The following RAPH1 variants were observed in gnomAD, a reference collection of about 807,000 sequenced individuals.
RAPH1 encodes ras-associated and pleckstrin homology domains-containing protein 1.
Under a neutral mutation model 88.1 loss-of-function variants are expected in RAPH1, and 18 were observed. The observed-to-expected ratio is 0.20, with a 90% CI of 0.14 to 0.30. The LOEUF is 0.30. Among genes scored for constraint, RAPH1 ranks in the 10% least tolerant of loss-of-function variants. The pLI, the probability that RAPH1 is intolerant of heterozygous loss-of-function variation, is 1.00. For synonymous variants in RAPH1, 587 were observed against 559.0 expected (o/e 1.05, Z -0.71); for missense variants, 1,448 against 1,543.2 (o/e 0.94, Z 1.03).
chr2:203,487,292 G>T (rs1688013986), intron 4 of RAPH1, among the ~76,000 whole-genome samples: 1 of 152,098 alleles, frequency 6.6e-6, no homozygotes, highest in African/African-American at 2.4e-5. Context: ...TCATATCCTA[G>T]CAGGTAAATC....
At position 203,439,180 on chromosome 2, in the gene RAPH1, T is replaced by G. The variant is rs529558516; in HGVS notation, c.*257A>C. ...AAATACAGAACACCCATTTTCAGAT[T>G]AGGAGAGAAAAGGAATAAATAGAAT... is the stretch of plus-strand genomic sequence containing the variant. On this transcript the variant is annotated 3_prime_UTR_variant, in exon 14 of 14. Transcript: ENST00000319170. 1.9e-4 allele frequency: 70 copies of G among 375,946 alleles called. No individual in the cohort carries two copies. Among genetic ancestry groups the G allele is most frequent in the African/African-American group, 1.4e-3 (68 of 50,306 alleles). 23.3% of individuals were successfully genotyped at this position (375,946 alleles called of 1,614,324 possible).
In RAPH1 at chr2:203,448,761, C is replaced by T; in HGVS notation, c.1489G>A (p.Val497Ile). The change falls in exon 11 of 14, where the codon GTC becomes ATC. Residue 497 changes from valine (V) to isoleucine (I), a missense_variant. Transcript: ENST00000319170. This position sits in a 1 kb window ranked among gnomAD's most constrained non-coding sequence, Gnocchi z 4.1. ...GCCTTTGCAATGCGGATCCCATTGA[C>T]CCACTGATGCAGTGTCCTCACATCA... is the stretch of plus-strand genomic sequence containing the variant. ...CDDVRTLHQWVNGIRIAKYGK... is the reference protein window; with the variant it reads ...CDDVRTLHQWINGIRIAKYGK... 2 of 1,607,510 alleles carry T rather than the reference C, an allele frequency of 1.2e-6. No individual in the cohort carries two copies. Among genetic ancestry groups the T allele is most frequent in the Non-Finnish European group, 1.7e-6 (2 of 1,176,770 alleles).
chr2:203,434,817 A>G lies in RAPH1; in HGVS notation c.*4620T>C, dbSNP rs7602076. On this transcript the variant is annotated 3_prime_UTR_variant, in exon 14 of 14. Transcript: ENST00000319170. ...ATCTATAAAATATGTAGTGTTCACC[A>G]TCACCCTGACTCAATTCACTTCTCT... The G allele has an allele frequency of 0.032, 4,915 of 152,644 alleles. 147 individuals carry two copies. The highest frequency in any genetic ancestry group is 0.095 in the East Asian group (491 of 5,166). 9.5% of individuals were successfully genotyped at this position (152,644 alleles called of 1,614,324 possible).
At chr2:203,515,514 G>C (rs1265027032) in intron 1 of RAPH1, among the ~76,000 whole-genome samples, 2 of 152,144 alleles carry the variant, frequency 1.3e-5, no homozygotes, top group Admixed American at 1.3e-4. Context: ...TGGCTAAGCT[G>C]GTGTCTTTTA....
intron 10 of RAPH1, among the ~76,000 whole-genome samples, chr2:203,450,069 A>C (rs955503720): frequency 6.6e-6 from 1 of 151,964 alleles, no homozygotes; most frequent in African/African-American, 2.4e-5. Flanking sequence ...GCTTTAAAAG[A>C]ATTTAGTTTT....
chr2:203,451,805 C>T (rs916464335), intron 10 of RAPH1, among the ~76,000 whole-genome samples: 1 of 152,228 alleles, frequency 6.6e-6, no homozygotes, highest in African/African-American at 2.4e-5. Flanking sequence ...GGTGTGAATT[C>T]TGACTGGTGT....
At chr2:203,458,747 A>C (rs1350486081) in intron 7 of RAPH1, among the ~76,000 whole-genome samples, 1 of 151,394 alleles carries the variant, frequency 6.6e-6, no homozygotes, top group Non-Finnish European at 1.5e-5. Flanking sequence ...TAGAGGGCTG[A>C]CTGTACTTCT....
At chr2:203,533,316 T>C (rs997251275) in intron 1 of RAPH1, 7 of 152,212 alleles carry the variant, frequency 4.6e-5, no homozygotes, top group African/African-American at 7.2e-5. Flanking sequence ...ATCTAAATTA[T>C]ACAAAATGTC....
rs745518669 is a variant in RAPH1 at position 203,491,238 on chromosome 2, G to T, written c.202C>A (p.Arg68Ser). The T allele has an allele frequency of 1.9e-6, 3 of 1,611,800 alleles. No homozygotes were observed. In the Admixed American group the frequency reaches 5.0e-5, roughly 27 times the overall value. The stretch of plus-strand genomic sequence containing the variant: ...CCATTCAAGTTGTATATGGAGAAGC[G>T]GTAAGAAAAGTTGGCCATGTTTGTT... ...QETNMANFSY[R>S]FSIYNLNEAL... is the part of the protein sequence containing the mutation. The change falls in exon 3 of 14, where the codon CGC becomes AGC. Residue 68 changes from arginine (R) to serine (S), a missense_variant. Around this residue, in one of 2 missense-constraint regions of RAPH1, gnomAD observed 513 missense variants for 653.1 expected, o/e 0.79. Transcript: ENST00000319170.
In RAPH1 at chr2:203,440,864, GGGGA is replaced by G; in HGVS notation, c.2322_2325del (p.Pro775LysfsTer8). On this transcript the variant is annotated frameshift_variant, in exon 14 of 14. Transcript: ENST00000319170. LOFTEE classifies it low-confidence loss of function (END_TRUNC). Reference sequence around the variant, plus strand: ...GTCACAAGGGGTTTTGGGGGAGCTTGGGGAGGGAGGGGTGCAGGGATAGGAGGAG... The same window carrying G: ...GTCACAAGGGGTTTTGGGGGAGCTTGGGGAGGGGTGCAGGGATAGGAGGAG... The G allele has an allele frequency of 6.7e-7, 1 of 1,501,628 alleles. No individual in the cohort carries two copies. The highest frequency in any genetic ancestry group is 9.1e-7 in the Non-Finnish European group (1 of 1,102,744). The allele number at this position is 1,501,628 out of a possible 1,614,324, so 93.0% of individuals were successfully genotyped here.
intron 1 of RAPH1, among the ~76,000 whole-genome samples, chr2:203,502,162 T>C (rs551076755): frequency 6.6e-6 from 1 of 152,328 alleles, no homozygotes; most frequent in South Asian, 2.1e-4. Flanking sequence ...GGAACTTGCA[T>C]GGATGGCCTG....
chr2:203,534,855 G>A (rs1690546066), intron 1 of RAPH1, among the ~76,000 whole-genome samples: 1 of 151,958 alleles, frequency 6.6e-6, no homozygotes. Flanking sequence ...GTCTCCCTCC[G>A]TCGCGGTCCC....
At chr2:203,457,222 CCT>C (rs1260120892) in intron 8 of RAPH1, among the ~76,000 whole-genome samples, 1 of 151,100 alleles carries the variant, frequency 6.6e-6, no homozygotes, top group African/African-American at 2.4e-5. Context: ...AGAGTCTCAC[CCT>C]GTTGCTAGGC....
intron 4 of RAPH1, chr2:203,477,093 G>T: frequency 6.2e-7 from 1 of 1,613,620 alleles, no homozygotes; most frequent in East Asian, 2.2e-5. Context: ...AGCTCAGCCT[G>T]TTCTTCTGTG....
At chr2:203,452,453 TA>T (rs1288817608) in intron 10 of RAPH1, among the ~76,000 whole-genome samples, 1 of 152,214 alleles carries the variant, frequency 6.6e-6, no homozygotes, top group Non-Finnish European at 1.5e-5. Flanking sequence ...AAATAACTCG[TA>T]TCTTTAAGGC....
intron 12 of RAPH1, 83 bp downstream of exon 12, chr2:203,447,876 T>C (rs1267151448): frequency 7.1e-7 from 1 of 1,417,124 alleles, no homozygotes; most frequent in South Asian, 1.3e-5. Context: ...AAGAATCAAG[T>C]TGAAATTTCC....
intron 5 of RAPH1, 23 bp from the exon 6 acceptor site, chr2:203,461,431 TA>T: frequency 6.5e-7 from 1 of 1,543,122 alleles, no homozygotes; most frequent in Non-Finnish European, 8.7e-7. Context: ...AAAAGAAAAG[TA>T]AATGAACACT....
intron 13 of RAPH1, chr2:203,441,792 TC>T: frequency 7.8e-7 from 1 of 1,284,484 alleles, no homozygotes; most frequent in Non-Finnish European, 9.8e-7. Flanking sequence ...GCACTGGACT[TC>T]CAAGGGGAGA....
At chr2:203,530,814 C>T (rs1183058390) in intron 1 of RAPH1, among the ~76,000 whole-genome samples, 1 of 151,824 alleles carries the variant, frequency 6.6e-6, no homozygotes, top group Non-Finnish European at 1.5e-5. Context: ...ATCGCTTGAG[C>T]CTGGGAGGCA....
Sources: allele counts gnomAD v4.1 joint callset (sites outside exome capture counted in the v4.1 genomes callset), GRCh38; gene constraint gnomAD v4.1.1; regional missense constraint gnomAD v4.1.1; non-coding constraint Gnocchi (gnomAD v3.1); transcripts MANE v1.5; gene names NCBI Gene and HGNC (gene_info 2026-07-23, HGNC 2026-07-21).